NR0B2: variants seen among roughly 807,000 people sequenced by gnomAD.
The protein encoded by NR0B2 is nuclear receptor SHP.
A neutral mutation model predicts 18.9 loss-of-function variants in NR0B2; 17 were observed. The ratio of observed to expected loss-of-function variants is 0.90; its 90% CI spans 0.62 to 1.35. NR0B2 has a LOEUF of 1.35. Ranked by LOEUF, NR0B2 falls within the 40% of genes most tolerant of loss-of-function variation. The pLI is 0.00. For synonymous variants in NR0B2, 116 were observed against 138.5 expected (o/e 0.84, Z 1.14); for missense variants, 312 against 333.3 (o/e 0.94, Z 0.50).
chr1:26,912,133 G>A, intron 1 of NR0B2, 47 bp from the exon 2 acceptor site: 1 of 1,608,970 alleles, frequency 6.2e-7, no homozygotes, highest in Non-Finnish European at 8.5e-7. Flanking sequence ...CCTACTCCCA[G>A]CCACCAAAGG....
At position 26,913,744 on chromosome 1, in the gene NR0B2, G is replaced by A; in HGVS notation, c.197C>T (p.Thr66Ile). The A allele has an allele frequency of 6.3e-7, 1 of 1,594,782 alleles. No homozygotes were observed. The highest frequency in any genetic ancestry group is 8.6e-7 in the Non-Finnish European group (1 of 1,168,274). ...TGGCAGGTTCCTGAGGAAGGCCACT[G>A]TCTTGGCCAGAACATCCAAGGCCTC... ...CREALDVLAK[T>I]VAFLRNLPSF... is the part of the protein sequence containing the mutation. Residue 66 changes from threonine (T) to isoleucine (I), a missense_variant, in exon 1 of 2, where the codon ACA becomes ATA. Coordinates refer to ENST00000254227, the MANE Select transcript of NR0B2 (RefSeq NM_021969.3).
intron 1 of NR0B2, among the ~76,000 whole-genome samples, 200 bp downstream of exon 1, chr1:26,913,208 AC>A (rs1281541549): frequency 6.6e-6 from 1 of 152,000 alleles, no homozygotes; most frequent in Non-Finnish European, 1.5e-5. Flanking sequence ...AATTGCTTGA[AC>A]CCAGGAGGCA....
chr1:26,912,227 CCTT>C (rs2082032539), intron 1 of NR0B2, 141 bp from the exon 2 acceptor site: 3 of 846,460 alleles, frequency 3.5e-6, no homozygotes, highest in Non-Finnish European at 5.5e-6. Flanking sequence ...ACTACCTCCT[CCTT>C]TAGAGGAGGT....
rs1469026025 is a variant in NR0B2 at position 26,913,614 on chromosome 1, C to G, written c.327G>C (p.Val109=). Residue 109 remains valine (V), a synonymous_variant, in exon 1 of 2, where the codon GTG becomes GTC. Transcript: ENST00000254227. The stretch of plus-strand genomic sequence containing the variant: ...GTATGCTGGGCACCGGGGCCTCAGC[C>G]ACCTCAAAGGTCACAGCATCTTGGG... ...GLAQDAVTFE[V]AEAPVPSILK... The G allele has an allele frequency of 6.2e-7, 1 of 1,614,038 alleles. No homozygotes were observed. Among genetic ancestry groups the G allele is most frequent in the Admixed American group, 1.7e-5 (1 of 60,006 alleles).
Position 26,912,073 on chromosome 1 carries a change from G to A in NR0B2, c.546C>T (p.Leu182=), listed in dbSNP as rs765240322. Residue 182 remains leucine (L), a synonymous_variant, in exon 2 of 2, where the codon CTC becomes CTT. Transcript: ENST00000254227. ...GGTGCCCAATGTGGGAGGCGGCTTG[G>A]AGGCCTGGCACATCTGTGGGCAGAG... is the stretch of plus-strand genomic sequence containing the variant. ...TILFNPDVPG[L]QAASHIGHLQ... is the part of the protein sequence containing the mutation. 5 of 1,613,746 alleles carry A rather than the reference G, an allele frequency of 3.1e-6. No homozygotes were observed. Among genetic ancestry groups the A allele is most frequent in the Non-Finnish European group, 4.2e-6 (5 of 1,180,022 alleles).
Position 26,913,564 on chromosome 1 carries a change from G to T in NR0B2, c.377C>A (p.Pro126His). 5 of 1,614,138 alleles carry T rather than the reference G, an allele frequency of 3.1e-6. No individual in the cohort carries two copies. Among genetic ancestry groups the T allele is most frequent in the Non-Finnish European group, 4.2e-6 (5 of 1,180,006 alleles). Residue 126 changes from proline to histidine, a missense_variant, in exon 1 of 2, where the codon CCC becomes CAC. Pro to His is a moderately conservative substitution (Grantham distance 77). Coordinates refer to ENST00000254227, the MANE Select transcript of NR0B2 (RefSeq NM_021969.3). ...TTGGCCACTGCCTCCACTGCTGCTG[G>T]GCTCCTCCAGCAGAATCTTCTTGAG... ...SILKKILLEE[P>H]SSSGGSGQLP...
At chr1:26,912,596 A>G (rs1040475368) in intron 1 of NR0B2, among the ~76,000 whole-genome samples, 3 of 152,144 alleles carry the variant, frequency 2.0e-5, no homozygotes, top group Admixed American at 2.0e-4. Flanking sequence ...GGGAACTCTC[A>G]TCTCAGATGC....
At chr1:26,913,155 G>A (rs1472729487) in intron 1 of NR0B2, among the ~76,000 whole-genome samples, 2 of 151,978 alleles carry the variant, frequency 1.3e-5, no homozygotes, top group Non-Finnish European at 2.9e-5. Context: ...GAGTGGTGGC[G>A]GCCATCTGTA....
chr1:26,911,691 G>C lies in NR0B2; in HGVS notation c.*154C>G, dbSNP rs1392507364. 6 of 853,160 alleles carry C rather than the reference G, an allele frequency of 7.0e-6. No individual in the cohort carries two copies. Among genetic ancestry groups the C allele is most frequent in the Non-Finnish European group, 1.2e-5 (6 of 520,170 alleles). The allele number at this position is 853,160 out of a possible 1,614,324, so 52.8% of individuals were successfully genotyped here. ...GTCCAAACCAAGGAAGTCCAATGTG[G>C]GGTGTGGCTGAGTGAAGAGCTGTTC... On this transcript the variant is annotated 3_prime_UTR_variant, in exon 2 of 2. Coordinates refer to ENST00000254227, the MANE Select transcript of NR0B2 (RefSeq NM_021969.3).
Position 26,913,742 on chromosome 1 carries a change from C to T in NR0B2, c.199G>A (p.Val67Met), listed in dbSNP as rs1268708500. The T allele has an allele frequency of 1.3e-6, 2 of 1,594,620 alleles. No homozygotes were observed. Among genetic ancestry groups the T allele is most frequent in the Non-Finnish European group, 1.7e-6 (2 of 1,168,100 alleles). ...GATGGCAGGTTCCTGAGGAAGGCCACTGTCTTGGCCAGAACATCCAAGGCC... is the reference window on the plus strand; with the variant it reads ...GATGGCAGGTTCCTGAGGAAGGCCATTGTCTTGGCCAGAACATCCAAGGCC... The part of the protein sequence containing the change: ...REALDVLAKT[V>M]AFLRNLPSFW... The change falls in exon 1 of 2, where the codon GTG becomes ATG. Residue 67 changes from valine (V) to methionine (M), a missense_variant. Val to Met is a conservative substitution (Grantham distance 21). Coordinates refer to ENST00000254227, the MANE Select transcript of NR0B2 (RefSeq NM_021969.3).
Position 26,913,845 on chromosome 1 carries a change from G to A in NR0B2, c.96C>T (p.Val32=), listed in dbSNP as rs778747105. ...YALLSSSLKA[V]PRPRSRCLCR... The stretch of plus-strand genomic sequence containing the variant: ...ATAGGCAGCGGCTACGGGGTCGGGG[G>A]ACAGCCTTGAGGCTGGAGCTCAGAA... Residue 32 remains valine, a synonymous_variant, in exon 1 of 2, where the codon GTC becomes GTT. Coordinates refer to ENST00000254227, the MANE Select transcript of NR0B2 (RefSeq NM_021969.3). 15 of 1,509,350 alleles carry A rather than the reference G, an allele frequency of 9.9e-6. No homozygotes were observed. Among genetic ancestry groups the A allele is most frequent in the Non-Finnish European group, 1.3e-5 (15 of 1,128,084 alleles). 93.5% of individuals were successfully genotyped at this position (1,509,350 alleles called of 1,614,324 possible).
At position 26,911,725 on chromosome 1, in the gene NR0B2, C is replaced by T; in HGVS notation, c.*120G>A. ...TGAGTGAAGAGCTGTTCCTAAGGAG[C>T]CAAGTGCTGTCTATACAGGCTTGCC... is the stretch of plus-strand genomic sequence containing the variant. On this transcript the variant is annotated 3_prime_UTR_variant, in exon 2 of 2. Transcript: ENST00000254227. The T allele has an allele frequency of 8.5e-7, 1 of 1,176,074 alleles. No homozygotes were observed. Among genetic ancestry groups the T allele is most frequent in the Non-Finnish European group, 1.3e-6 (1 of 796,420 alleles). 72.9% of individuals were successfully genotyped at this position (1,176,074 alleles called of 1,614,324 possible).
rs759106735 is a variant in NR0B2, at chr1:26,913,574, G to A, written c.367C>T (p.Leu123=). 2 of 1,614,038 alleles carry A rather than the reference G, an allele frequency of 1.2e-6. No individual in the cohort carries two copies. Among genetic ancestry groups the A allele is most frequent in the South Asian group, 1.1e-5 (1 of 91,082 alleles). Reference sequence around the variant, plus strand: ...CCTCCACTGCTGCTGGGCTCCTCCAGCAGAATCTTCTTGAGTATGCTGGGC... The same window carrying A: ...CCTCCACTGCTGCTGGGCTCCTCCAACAGAATCTTCTTGAGTATGCTGGGC... ...PVPSILKKIL[L]EEPSSSGGSG... Residue 123 remains leucine, a synonymous_variant, in exon 1 of 2, where the codon CTG becomes TTG. Transcript: ENST00000254227.
At chr1:26,912,581 T>A (rs1182709978) in intron 1 of NR0B2, among the ~76,000 whole-genome samples, 1 of 152,192 alleles carries the variant, frequency 6.6e-6, no homozygotes, top group East Asian at 1.9e-4. Context: ...CACAAGGGAC[T>A]CCTGGGGAAC....
At chr1:26,912,364 CTT>C (rs2082033528) in intron 1 of NR0B2, among the ~76,000 whole-genome samples, 1 of 152,036 alleles carries the variant, frequency 6.6e-6, no homozygotes, top group Non-Finnish European at 1.5e-5. Context: ...GCTGGGTGAC[CTT>C]GGGCAAGTCA....
At chr1:26,912,310 G>T (rs1280280877) in intron 1 of NR0B2, among the ~76,000 whole-genome samples, 3 of 152,138 alleles carry the variant, frequency 2.0e-5, no homozygotes, top group African/African-American at 4.8e-5. Flanking sequence ...TAATGGTTAA[G>T]AATTAGGCTT....
rs1181270451 is a variant in NR0B2, at chr1:26,911,582, C to A, written c.*263G>T. On this transcript the variant is annotated 3_prime_UTR_variant, in exon 2 of 2. Transcript: ENST00000254227. ...TGGTCCAATAAGCAGCCTAAGCTTT[C>A]ATTCTCATCCCAAGAAGGGACAGGA... 6 of 509,648 alleles carry A rather than the reference C, an allele frequency of 1.2e-5. No homozygotes were observed. Among genetic ancestry groups the A allele is most frequent in the Non-Finnish European group, 2.1e-5 (6 of 279,432 alleles). 31.6% of individuals were successfully genotyped at this position (509,648 alleles called of 1,614,324 possible). A position where few individuals can be genotyped will look rare whatever the true frequency, so the allele number is the denominator to read the frequency against.
In NR0B2 at chr1:26,913,734, G is replaced by A; in HGVS notation, c.207C>T (p.Phe69=). 6.2e-7 allele frequency: 1 copy of A among 1,604,876 alleles called. No individual in the cohort carries two copies. The highest frequency in any genetic ancestry group is 1.7e-5 in the Admixed American group (1 of 59,462). The change falls in exon 1 of 2, where the codon TTC becomes TTT. Residue 69 remains phenylalanine, a synonymous_variant. Coordinates refer to ENST00000254227, the MANE Select transcript of NR0B2 (RefSeq NM_021969.3). The stretch of plus-strand genomic sequence containing the variant: ...GCCAGAAGGATGGCAGGTTCCTGAG[G>A]AAGGCCACTGTCTTGGCCAGAACAT... ...ALDVLAKTVA[F]LRNLPSFWQL... is the part of the protein sequence containing the mutation.
intron 1 of NR0B2, 92 bp downstream of exon 1, chr1:26,913,317 G>T: frequency 8.9e-7 from 1 of 1,128,880 alleles, no homozygotes; most frequent in Non-Finnish European, 1.4e-6. Flanking sequence ...AGGACCCAAT[G>T]AGATAACAGA....
Sources: gnomAD v4.1 joint callset for allele counts (sites outside exome capture counted in the v4.1 genomes callset) on GRCh38, gnomAD v4.1.1 for gene constraint, MANE v1.5 for transcripts, NCBI Gene and HGNC (gene_info 2026-07-23, HGNC 2026-07-21) for gene names.